The following HS3ST4 variants were observed in gnomAD, a reference collection of about 807,000 sequenced individuals.
HS3ST4 encodes the protein heparan sulfate-glucosamine 3-sulfotransferase 4, also known as heparan sulfate glucosamine 3-O-sulfotransferase 4.
Under a neutral mutation model 29.2 loss-of-function variants are expected in HS3ST4, and 17 were observed. The observed-to-expected ratio is 0.58, with a 90% CI of 0.40 to 0.87. HS3ST4 has a LOEUF of 0.87. Ranked by LOEUF, HS3ST4 falls within the 40% of genes least tolerant of loss-of-function variation. HS3ST4 has a pLI of 0.00. For missense variants in HS3ST4, 627 were observed against 634.5 expected, an observed-to-expected ratio of 0.99 and a Z score of 0.13; for synonymous variants, 314 against 285.7, an observed-to-expected ratio of 1.10 and a Z score of -1.00.
At chr16:25,753,057 T>C (rs1316058987) in intron 1 of HS3ST4, among the ~76,000 whole-genome samples, 3 of 152,142 alleles carry the variant, frequency 2.0e-5, no homozygotes, top group African/African-American at 7.2e-5. Context: ...AAAATTGTGC[T>C]CAACAGTATG....
At chr16:25,788,583 C>T (rs368541884) in intron 1 of HS3ST4, among the ~76,000 whole-genome samples, 71 of 138,698 alleles carry the variant, frequency 5.1e-4, no homozygotes, top group African/African-American at 9.8e-4. Context: ...GTCTGTTGCC[C>T]GGGCTGGAGT....
rs80149863 is a variant in HS3ST4, at chr16:26,046,446, C to T, written c.735-89166C>T. Among the ~76,000 whole-genome samples the T allele has an allele frequency of 0.016, 2,461 of 152,190 alleles. 195 individuals carry two copies. In the East Asian group the frequency reaches 0.28, roughly 17 times the overall value. ...GATTACAGGCATGAGCCACGGTACC[C>T]GGCCCAGGAAAAAGTTTTATTCAGT... On this transcript the variant is annotated intron_variant, in intron 1 of 1. Coordinates refer to ENST00000331351, the MANE Select transcript of HS3ST4 (RefSeq NM_006040.3).
intron 1 of HS3ST4, among the ~76,000 whole-genome samples, chr16:25,707,829 A>G (rs1339473846): frequency 6.6e-6 from 1 of 152,186 alleles, no homozygotes; most frequent in African/African-American, 2.4e-5. Context: ...TTTGCATTAG[A>G]TAATTGCATG....
chr16:25,812,298 C>G (rs1183148750), intron 1 of HS3ST4, among the ~76,000 whole-genome samples: 1 of 152,152 alleles, frequency 6.6e-6, no homozygotes, highest in Non-Finnish European at 1.5e-5. Flanking sequence ...GCCTCATCTT[C>G]CATTACGTCC....
At chr16:25,828,288 C>CTTTT (rs1567249447) in intron 1 of HS3ST4, among the ~76,000 whole-genome samples, 2 of 88,410 alleles carry the variant, frequency 2.3e-5, no homozygotes, top group African/African-American at 9.9e-5. Context: ...TTCTTTCTTT[C>CTTTT]TTTCTTTCTT....
intron 1 of HS3ST4, among the ~76,000 whole-genome samples, chr16:25,930,922 A>AAAAAC (rs202229326): frequency 0.019 from 2,828 of 148,154 alleles, 116 homozygotes; most frequent in African/African-American, 0.067. Flanking sequence ...AAACAAAAAC[A>AAAAAC]AAAAAAAAAC....
chr16:26,061,891 C>T (rs1898480158), intron 1 of HS3ST4, among the ~76,000 whole-genome samples: 1 of 152,112 alleles, frequency 6.6e-6, no homozygotes, highest in Admixed American at 6.5e-5. Context: ...AAGAAGCTTG[C>T]TTTTTTCATT....
intron 1 of HS3ST4, among the ~76,000 whole-genome samples, chr16:26,081,604 C>T (rs1313150631): frequency 1.3e-5 from 2 of 152,058 alleles, no homozygotes; most frequent in African/African-American, 4.8e-5. Context: ...TCTGCTCAGG[C>T]TCACAGGATT....
rs558153969 is a variant in HS3ST4, at chr16:25,724,018, G to A, written c.734+30867G>A. Among the ~76,000 whole-genome samples, 115 of 150,910 alleles carry A rather than the reference G, an allele frequency of 7.6e-4. 1 individual carries two copies. Among genetic ancestry groups the A allele is most frequent in the Admixed American group, 1.4e-3 (21 of 15,038 alleles). ...AATCATAGCTACTCAGGAGGCTGAG[G>A]CAGCAGAATCGCTTGAACCCAGGAG... On this transcript the variant is annotated intron_variant, in intron 1 of 1. Transcript: ENST00000331351.
chr16:25,796,409 G>A (rs1017706044), intron 1 of HS3ST4, among the ~76,000 whole-genome samples: 1 of 152,122 alleles, frequency 6.6e-6, no homozygotes, highest in African/African-American at 2.4e-5. Flanking sequence ...GCTTGTAGTG[G>A]GAGTGCTGGT....
At chr16:26,044,274 G>A (rs1898240478) in intron 1 of HS3ST4, among the ~76,000 whole-genome samples, 1 of 152,210 alleles carries the variant, frequency 6.6e-6, no homozygotes, top group East Asian at 1.9e-4. Flanking sequence ...TCAAGGAGTA[G>A]CCAAGGGACC....
chr16:26,006,192 G>A (rs1036515453), intron 1 of HS3ST4, among the ~76,000 whole-genome samples: 18 of 151,340 alleles, frequency 1.2e-4, no homozygotes, highest in Admixed American at 1.1e-3. Context: ...CCAGCTACTT[G>A]GGAGGCTGAG....
At chr16:25,775,346 T>G (rs1053696468) in intron 1 of HS3ST4, among the ~76,000 whole-genome samples, 1 of 152,216 alleles carries the variant, frequency 6.6e-6, no homozygotes, top group Non-Finnish European at 1.5e-5. Flanking sequence ...GACTACAGAA[T>G]GCTCTGTGGC....
In HS3ST4 at chr16:25,780,659, T is replaced by G. The variant is rs1328420460; in HGVS notation, c.734+87508T>G. 2.6e-5 allele frequency among the ~76,000 whole-genome samples: 4 copies of G among 152,322 alleles called. No individual in the cohort carries two copies. In the East Asian group the frequency reaches 7.7e-4, roughly 29 times the overall value. On this transcript the variant is annotated intron_variant, in intron 1 of 1. Transcript: ENST00000331351. ...GTGTATAAAGTGGGAGAAATAACAG[T>G]GCGTACCTCATCTGTTGTGTTGGTA...
intron 1 of HS3ST4, among the ~76,000 whole-genome samples, chr16:25,731,003 A>G (rs1257183941): frequency 6.6e-6 from 1 of 152,194 alleles, no homozygotes; most frequent in African/African-American, 2.4e-5. Flanking sequence ...GAAACCAGAC[A>G]TGAGCTTCCA....
intron 1 of HS3ST4, among the ~76,000 whole-genome samples, chr16:25,731,756 G>A (rs1051740187): frequency 1.3e-5 from 2 of 152,182 alleles, no homozygotes; most frequent in African/African-American, 2.4e-5. Context: ...TCCTTAGCCT[G>A]CTGAATAAAC....
intron 1 of HS3ST4, among the ~76,000 whole-genome samples, chr16:25,779,532 C>T (rs1254734987): frequency 6.6e-6 from 1 of 152,210 alleles, no homozygotes; most frequent in African/African-American, 2.4e-5. Flanking sequence ...ACTACCTGTC[C>T]ACTTCATGCT....
At chr16:25,755,044 C>A (rs1966748249) in intron 1 of HS3ST4, among the ~76,000 whole-genome samples, 1 of 151,998 alleles carries the variant, frequency 6.6e-6, no homozygotes. Context: ...ACCCATCCAC[C>A]CACCTATCCA....
intron 1 of HS3ST4, among the ~76,000 whole-genome samples, chr16:25,925,654 C>A (rs1315453050): frequency 6.6e-6 from 1 of 152,174 alleles, no homozygotes; most frequent in Non-Finnish European, 1.5e-5. Flanking sequence ...ACACTTCACT[C>A]CACTCTCATG....
Sources: allele counts gnomAD v4.1 joint callset (sites outside exome capture counted in the v4.1 genomes callset), GRCh38; gene constraint gnomAD v4.1.1; transcripts MANE v1.5; gene names NCBI Gene and HGNC (gene_info 2026-07-23, HGNC 2026-07-21).